The following SH3PXD2A variants were observed in gnomAD, a reference collection of about 807,000 sequenced individuals.
The protein encoded by SH3PXD2A is SH3 and PX domain-containing protein 2A.
In SH3PXD2A, 32 loss-of-function variants were observed where a neutral mutation model predicts 115.2. That is an observed-to-expected ratio of 0.28 (90% CI 0.21 to 0.37). The LOEUF (loss-of-function observed/expected upper bound fraction) is 0.37. Among genes scored for constraint, SH3PXD2A ranks in the 10% least tolerant of loss-of-function variants. SH3PXD2A has a pLI of 1.00. For synonymous variants in SH3PXD2A, 610 were observed against 629.1 expected (o/e 0.97, Z 0.45); for missense variants, 1,328 against 1,498.7 (o/e 0.89, Z 1.88).
At chr10:103,718,120 C>T in intron 5 of SH3PXD2A, among the ~76,000 whole-genome samples, 1 of 152,042 alleles carries the variant, frequency 6.6e-6, no homozygotes, top group Non-Finnish European at 1.5e-5. Context: ...ATCCTCCTGC[C>T]TCAGCCTCCT....
intron 7 of SH3PXD2A, among the ~76,000 whole-genome samples, chr10:103,662,682 A>G (rs1173879375): frequency 6.6e-6 from 1 of 150,998 alleles, no homozygotes. Flanking sequence ...TACAGGCGTG[A>G]GCCACCGCGC....
In SH3PXD2A at chr10:103,599,276, G is replaced by C. The variant is rs538977584; in HGVS notation, c.*2540C>G. On this transcript the variant is annotated 3_prime_UTR_variant, in exon 15 of 15. Coordinates refer to ENST00000369774, the MANE Select transcript of SH3PXD2A (RefSeq NM_001394015.1). ...TCAAGGAGAGGGGGTCCTTGGGGGG[G>C]GCTGGGAGAATGTGGGGGGCAGTGC... 1 of 135,340 alleles carries C rather than the reference G, an allele frequency of 7.4e-6. No homozygotes were observed. The highest frequency in any genetic ancestry group is 1.6e-5 in the Non-Finnish European group (1 of 62,990). 8.4% of individuals were successfully genotyped at this position (135,340 alleles called of 1,614,324 possible). A position where few individuals can be genotyped will look rare whatever the true frequency, so the allele number is the denominator to read the frequency against.
At chr10:103,622,387 G>A (rs892474662) in intron 10 of SH3PXD2A, 83 bp downstream of exon 10, 8 of 915,078 alleles carry the variant, frequency 8.7e-6, no homozygotes, top group African/African-American at 4.9e-5. Context: ...ACAGGGCAGA[G>A]AGCAGAGCCC....
intron 2 of SH3PXD2A, among the ~76,000 whole-genome samples, chr10:103,789,209 C>T (rs1242267767): frequency 6.6e-6 from 1 of 152,226 alleles, no homozygotes; most frequent in East Asian, 1.9e-4. Context: ...ATGTCAAGAC[C>T]TTCAGGCCCC....
At chr10:103,668,893 C>T (rs920022089) in intron 6 of SH3PXD2A, among the ~76,000 whole-genome samples, 13 of 152,216 alleles carry the variant, frequency 8.5e-5, no homozygotes, top group African/African-American at 1.7e-4. Context: ...AGGTGTCCGC[C>T]GAAATGCAGG....
chr10:103,852,238 A>G (rs1410943735), intron 1 of SH3PXD2A, among the ~76,000 whole-genome samples: 1 of 152,218 alleles, frequency 6.6e-6, no homozygotes, highest in Non-Finnish European at 1.5e-5. Flanking sequence ...GCTGAGTGCC[A>G]TCCCCATGAT....
In SH3PXD2A at chr10:103,612,907, G is replaced by A. The variant is rs1384409875; in HGVS notation, c.1204C>T (p.Leu402=). 13 of 1,609,538 alleles carry A rather than the reference G, an allele frequency of 8.1e-6. No homozygotes were observed. In the East Asian group the frequency reaches 2.5e-4, roughly 30 times the overall value. Residue 402 remains leucine, a synonymous_variant, in exon 12 of 15, where the codon CTG becomes TTG. Coordinates refer to ENST00000369774, the MANE Select transcript of SH3PXD2A (RefSeq NM_001394015.1). ...GCCACAGCTGGAGAGCCCTGGGCCAGCCTGGAGACAGTCCTGTCAGGAACG... is the reference window on the plus strand; with the variant it reads ...GCCACAGCTGGAGAGCCCTGGGCCAACCTGGAGACAGTCCTGTCAGGAACG... ...VGVPDRTVSR[L]AQGSPAVARI...
rs1050100815 is a variant in SH3PXD2A, at chr10:103,601,755, AC to A, written c.*60del. The A allele has an allele frequency of 1.6e-6, 1 of 609,708 alleles. No homozygotes were observed. Among genetic ancestry groups the A allele is most frequent in the African/African-American group, 2.4e-5 (1 of 41,774 alleles). 37.8% of individuals were successfully genotyped at this position (609,708 alleles called of 1,614,324 possible). On this transcript the variant is annotated 3_prime_UTR_variant, in exon 15 of 15. Coordinates refer to ENST00000369774, the MANE Select transcript of SH3PXD2A (RefSeq NM_001394015.1). ...TTTTCCTTTCCCTTTTGTTCGTCTC[AC>A]CGCTCATCCAGTGGGCGGCCAGAGA... is the stretch of plus-strand genomic sequence containing the variant.
At chr10:103,680,796 GA>G (rs1251462952) in intron 6 of SH3PXD2A, among the ~76,000 whole-genome samples, 11 of 152,062 alleles carry the variant, frequency 7.2e-5, no homozygotes, top group Admixed American at 6.6e-5. Context: ...GGAAACTCAG[GA>G]AAAAAATATT....
intron 5 of SH3PXD2A, among the ~76,000 whole-genome samples, chr10:103,700,550 G>A (rs1198526794): frequency 6.6e-6 from 1 of 152,220 alleles, no homozygotes; most frequent in African/African-American, 2.4e-5. Context: ...CCCATCAGGT[G>A]CATTCCAAGG....
chr10:103,678,027 T>C (rs2037561838), intron 6 of SH3PXD2A: 1 of 939,194 alleles, frequency 1.1e-6, no homozygotes, highest in African/African-American at 1.7e-5. Flanking sequence ...CTGAAGGGCG[T>C]TGGCTCCCAG....
At position 103,613,182 on chromosome 10, in the gene SH3PXD2A, C is replaced by T; in HGVS notation, c.929G>A (p.Gly310Asp). Residue 310 changes from glycine (G) to aspartate (D), a missense_variant, in exon 12 of 15, where the codon GGC (glycine) becomes GAC (aspartate). Coordinates refer to ENST00000369774, the MANE Select transcript of SH3PXD2A (RefSeq NM_001394015.1). ...LEGWWYIRYL[G>D]KEGWAPASYL... is the part of the protein sequence containing the mutation. ...GGATGCTGGCGCCCAGCCCTCTTTG[C>T]CCAGGTATCTGTGGGGAGGAGCAGG... is the stretch of plus-strand genomic sequence containing the variant. The T allele has an allele frequency of 6.3e-7, 1 of 1,596,882 alleles. No homozygotes were observed. The highest frequency in any genetic ancestry group is 8.5e-7 in the Non-Finnish European group (1 of 1,172,890).
chr10:103,650,834 G>T (rs2037108469), intron 8 of SH3PXD2A, among the ~76,000 whole-genome samples: 1 of 152,198 alleles, frequency 6.6e-6, no homozygotes, highest in African/African-American at 2.4e-5. Flanking sequence ...CTACACCTGG[G>T]CTTTTTACCT....
Position 103,601,922 on chromosome 10 carries a change from T to A in SH3PXD2A, c.3296A>T (p.Glu1099Val), listed in dbSNP as rs149361354. Residue 1099 changes from glutamate to valine, a missense_variant, in exon 15 of 15, where the codon GAG (glutamate) becomes GTG (valine). This residue lies in a region of SH3PXD2A where 45 missense variants were observed against 73.6 expected (regional missense o/e 0.61). Transcript: ENST00000369774. ...GCCATTAGGGTTCCTCTCCAGAACC[T>A]CCATGGACACCCCCTCCTGGAAGCC... ...TAGFQEGVSMEVLERNPNGWW... is the reference protein window; with the variant it reads ...TAGFQEGVSMVVLERNPNGWW... 9.5e-5 allele frequency: 153 copies of A among 1,613,910 alleles called. No homozygotes were observed. The African/African-American group carries it at 1.9e-3, about 20-fold the overall frequency.
chr10:103,719,140 T>C (rs1005295084), intron 5 of SH3PXD2A, among the ~76,000 whole-genome samples: 2 of 152,256 alleles, frequency 1.3e-5, no homozygotes, highest in Non-Finnish European at 2.9e-5. Flanking sequence ...ACCCAGGCTA[T>C]GGTACTCTGT....
chr10:103,606,893 G>A (rs367575892), intron 13 of SH3PXD2A, among the ~76,000 whole-genome samples: 1 of 152,176 alleles, frequency 6.6e-6, no homozygotes, highest in East Asian at 1.9e-4. Flanking sequence ...AGTGCGGAGA[G>A]TGCAGCCTCT....
intron 3 of SH3PXD2A, among the ~76,000 whole-genome samples, chr10:103,744,621 C>G (rs183732992): frequency 3.9e-5 from 6 of 152,190 alleles, no homozygotes; most frequent in African/African-American, 1.4e-4. Flanking sequence ...CAGATCACAC[C>G]CTGACACCCA....
Position 103,603,112 on chromosome 10 carries a change from G to A in SH3PXD2A, c.2106C>T (p.Ser702=). 2.5e-6 allele frequency: 4 copies of A among 1,613,206 alleles called. No individual in the cohort carries two copies. The highest frequency in any genetic ancestry group is 2.5e-6 in the Non-Finnish European group (3 of 1,180,026). ...SSITINTTCC[S]SSSSSSSSLS... ...AGGAAGAGGAGGAGGAGGAAGAGGAGGAGCAGCAAGTGGTGTTGATGGTGA... is the reference window on the plus strand; with the variant it reads ...AGGAAGAGGAGGAGGAGGAAGAGGAAGAGCAGCAAGTGGTGTTGATGGTGA... Residue 702 remains serine, a synonymous_variant, in exon 15 of 15, where the codon TCC becomes TCT. Transcript: ENST00000369774.
At chr10:103,686,996 C>A (rs1011056860) in intron 6 of SH3PXD2A, among the ~76,000 whole-genome samples, 2 of 152,184 alleles carry the variant, frequency 1.3e-5, no homozygotes, top group African/African-American at 2.4e-5. Context: ...GATCCACCTG[C>A]CTCGGTCTCC....
Sources: gnomAD v4.1 joint callset for allele counts (sites outside exome capture counted in the v4.1 genomes callset) on GRCh38, gnomAD v4.1.1 for gene constraint, gnomAD v4.1.1 regional missense constraint, MANE v1.5 for transcripts, NCBI Gene and HGNC (gene_info 2026-07-23, HGNC 2026-07-21) for gene names.